Variants in CACNA1C observed in about 807,000 individuals in gnomAD.
CACNA1C encodes the protein voltage-dependent L-type calcium channel subunit alpha-1C.
Under a neutral mutation model 229.0 loss-of-function variants are expected in CACNA1C, and 30 were observed. The observed-to-expected ratio is 0.13, with a 90% CI of 0.10 to 0.18. The LOEUF (loss-of-function observed/expected upper bound fraction) is 0.18, where lower values mean the gene tolerates loss of function less well. Among genes scored for constraint, CACNA1C ranks in the 10% least tolerant of loss-of-function variants. The pLI is 1.00. For missense variants in CACNA1C, 1,658 were observed against 2,845.0 expected, an observed-to-expected ratio of 0.58 and a Z score of 9.49; for synonymous variants, 1,114 against 1,132.5, an observed-to-expected ratio of 0.98 and a Z score of 0.33.
intron 3 of CACNA1C, among the ~76,000 whole-genome samples, chr12:2,384,690 A>G (rs1369543687): frequency 3.3e-5 from 5 of 152,134 alleles, no homozygotes; most frequent in Admixed American, 6.5e-5. Flanking sequence ...GCAACCTGCA[A>G]CCTGGGTCTC....
intron 3 of CACNA1C, among the ~76,000 whole-genome samples, chr12:2,203,626 G>T (rs1456281508): frequency 6.6e-6 from 1 of 152,158 alleles, no homozygotes; most frequent in African/African-American, 2.4e-5. Context: ...CGCATTCTTA[G>T]GAGGGTTTTC....
At chr12:2,453,611 G>A (rs1243622423) in intron 4 of CACNA1C, among the ~76,000 whole-genome samples, 6 of 152,016 alleles carry the variant, frequency 3.9e-5, no homozygotes, top group Admixed American at 3.9e-4. Context: ...CTCATCACCC[G>A]GACTCCTGTT....
Position 2,651,735 on chromosome 12 carries a change from G to A in CACNA1C, c.4041G>A (p.Arg1347=). The change falls in exon 32 of 47, where the codon CGG becomes CGA. Residue 1347 remains arginine, a synonymous_variant. Coordinates refer to ENST00000399655, the MANE Select transcript of CACNA1C (RefSeq NM_000719.7). The surrounding 1 kb of genome is among the most constrained non-coding windows in gnomAD (Gnocchi z 5.4). ...VKLLSRGEGI[R]TLLWTFIKSF... ...TGCTGAGCCGTGGGGAGGGCATCCGGACGCTGCTGTGGACCTTCATCAAGT... is the reference window on the plus strand; with the variant it reads ...TGCTGAGCCGTGGGGAGGGCATCCGAACGCTGCTGTGGACCTTCATCAAGT... The A allele has an allele frequency of 1.9e-6, 3 of 1,613,438 alleles. No individual in the cohort carries two copies. The highest frequency in any genetic ancestry group is 2.5e-6 in the Non-Finnish European group (3 of 1,179,552).
At chr12:2,210,296 A>C (rs577784043) in intron 3 of CACNA1C, among the ~76,000 whole-genome samples, 2 of 152,322 alleles carry the variant, frequency 1.3e-5, no homozygotes, top group South Asian at 4.1e-4. Context: ...GGGCTGTGAT[A>C]GAAAATATGA....
intron 13 of CACNA1C, among the ~76,000 whole-genome samples, chr12:2,574,893 C>T (rs1350740497): frequency 1.3e-5 from 2 of 152,210 alleles, no homozygotes; most frequent in East Asian, 3.8e-4. Flanking sequence ...GGGTGGTTCT[C>T]CTTTGGTATG....
rs1002217602 is a variant in CACNA1C at position 2,318,592 on chromosome 12, G to C, written c.478-130384G>C. Among the ~76,000 whole-genome samples, 4 of 152,240 alleles carry C rather than the reference G, an allele frequency of 2.6e-5. 1 individual carries two copies. Among genetic ancestry groups the C allele is most frequent in the African/African-American group, 2.4e-5 (1 of 41,470 alleles). ...TCAAGGGGCGCAGAGTCTAGAGAAG[G>C]CTCTGCTAAGGGTCCCAGAAATCAG... On this transcript the variant is annotated intron_variant, in intron 3 of 46. Transcript: ENST00000399655.
chr12:2,564,728 C>A (rs2049388416), intron 11 of CACNA1C, among the ~76,000 whole-genome samples: 1 of 152,214 alleles, frequency 6.6e-6, no homozygotes, highest in African/African-American at 2.4e-5. Context: ...TCTCAAGGGA[C>A]TATTGATTCT....
At chr12:2,012,625 G>A (rs2044642571) in intron 1 of CACNA1C, among the ~76,000 whole-genome samples, 1 of 152,216 alleles carries the variant, frequency 6.6e-6, no homozygotes, top group South Asian at 2.1e-4. Context: ...TGGAAGCCCA[G>A]TTTCTATTCT....
chr12:2,078,957 T>G (rs1013984657), intron 1 of CACNA1C, among the ~76,000 whole-genome samples: 2 of 152,102 alleles, frequency 1.3e-5, no homozygotes, highest in African/African-American at 4.8e-5. Context: ...CCATAAAAAA[T>G]GATGAGTTCA....
At position 2,587,666 on chromosome 12, in the gene CACNA1C, G is replaced by A. The variant is rs979699043; in HGVS notation, c.2530+1762G>A. ...CGGCCATCCTAGAAATGCCTCTCACGTAGCTACCCAGTGGCTCTGAGGACT... is the reference window on the plus strand; with the variant it reads ...CGGCCATCCTAGAAATGCCTCTCACATAGCTACCCAGTGGCTCTGAGGACT... On this transcript the variant is annotated intron_variant, in intron 18 of 46. Transcript: ENST00000399655. Among the ~76,000 whole-genome samples, 8 of 152,098 alleles carry A rather than the reference G, an allele frequency of 5.3e-5. No individual in the cohort carries two copies. The East Asian group carries it at 1.2e-3, about 22-fold the overall frequency.
intron 3 of CACNA1C, among the ~76,000 whole-genome samples, chr12:2,336,132 G>C (rs1278634450): frequency 6.6e-6 from 1 of 151,926 alleles, no homozygotes. Context: ...GCAAAGCATG[G>C]ATGGAGAAGC....
intron 1 of CACNA1C, among the ~76,000 whole-genome samples, chr12:2,093,831 G>T (rs368011616): frequency 6.6e-6 from 1 of 152,204 alleles, no homozygotes; most frequent in East Asian, 1.9e-4. Context: ...TCAGTGCCTA[G>T]TGCCTGCAGT....
chr12:2,389,336 T>C (rs1298293026), intron 3 of CACNA1C, among the ~76,000 whole-genome samples: 1 of 151,896 alleles, frequency 6.6e-6, no homozygotes, highest in Admixed American at 6.6e-5. Flanking sequence ...TGCCAAGCAG[T>C]GGGAGGCAAG....
At chr12:2,036,423 C>T (rs1213608004) in intron 1 of CACNA1C, among the ~76,000 whole-genome samples, 1 of 152,142 alleles carries the variant, frequency 6.6e-6, no homozygotes, top group East Asian at 1.9e-4. Flanking sequence ...GAAATGAACA[C>T]CCAGCAGAGG....
chr12:2,651,483 G>T lies in CACNA1C; in HGVS notation c.3946-157G>T. 1 of 1,032,994 alleles carries T rather than the reference G, an allele frequency of 9.7e-7. No homozygotes were observed. The highest frequency in any genetic ancestry group is 1.5e-6 in the Non-Finnish European group (1 of 683,546). 64.0% of individuals were successfully genotyped at this position (1,032,994 alleles called of 1,614,324 possible). The stretch of plus-strand genomic sequence containing the variant: ...GCTGGGCTGTCCACTCATTAAAGTG[G>T]GCGGCCGCCCTCCCATCGGAGGGGG... On this transcript the variant is annotated intron_variant, in intron 31 of 46. Transcript: ENST00000399655. This position sits in a 1 kb window ranked among gnomAD's most constrained non-coding sequence, Gnocchi z 5.4.
intron 14 of CACNA1C, among the ~76,000 whole-genome samples, chr12:2,582,554 C>G (rs1376229689): frequency 6.6e-6 from 1 of 152,186 alleles, no homozygotes; most frequent in Non-Finnish European, 1.5e-5. Flanking sequence ...TCAGCTCAAG[C>G]ATGTGTGGGG....
rs1480437255 is a variant in CACNA1C, at chr12:2,633,360, A to G, written c.3829-937A>G. On this transcript the variant is annotated intron_variant, in intron 29 of 46. Coordinates refer to ENST00000399655, the MANE Select transcript of CACNA1C (RefSeq NM_000719.7). This position sits in a 1 kb window ranked among gnomAD's most constrained non-coding sequence, Gnocchi z 5.8. ...CTCCTGCCCCTGGTGGGACGTGGACAGGGCCTCTGTGGAGAAGGGGTAGGG... is the reference window on the plus strand; with the variant it reads ...CTCCTGCCCCTGGTGGGACGTGGACGGGGCCTCTGTGGAGAAGGGGTAGGG... 2.0e-5 allele frequency among the ~76,000 whole-genome samples: 3 copies of G among 152,158 alleles called. No individual in the cohort carries two copies. Among genetic ancestry groups the G allele is most frequent in the Non-Finnish European group, 4.4e-5 (3 of 68,018 alleles).
In CACNA1C at chr12:2,184,478, A is replaced by G. The variant is rs2096936872; in HGVS notation, c.477+64048A>G. Among the ~76,000 whole-genome samples, 5 of 152,210 alleles carry G rather than the reference A, an allele frequency of 3.3e-5. No individual in the cohort carries two copies. The South Asian group carries it at 1.0e-3, about 32-fold the overall frequency. Reference sequence around the variant, plus strand: ...GAGTCTTCGGTGAATACGTTAGGGTACATGTTTCTTCGTCGTTCCTGGCAG... The same window carrying G: ...GAGTCTTCGGTGAATACGTTAGGGTGCATGTTTCTTCGTCGTTCCTGGCAG... On this transcript the variant is annotated intron_variant, in intron 3 of 46. Transcript: ENST00000399655.
intron 9 of CACNA1C, among the ~76,000 whole-genome samples, chr12:2,530,994 T>C (rs1263447506): frequency 1.3e-5 from 2 of 152,224 alleles, no homozygotes; most frequent in Non-Finnish European, 2.9e-5. Flanking sequence ...TGGCCTGCAC[T>C]TGCTTTTATA....
Sources: gnomAD v4.1 joint callset for allele counts (sites outside exome capture counted in the v4.1 genomes callset) on GRCh38, gnomAD v4.1.1 for gene constraint, Gnocchi (gnomAD v3.1) non-coding constraint, MANE v1.5 for transcripts, NCBI Gene and HGNC (gene_info 2026-07-23, HGNC 2026-07-21) for gene names.